Variants in CELA3B observed in about 807,000 individuals in gnomAD.
CELA3B encodes the protein chymotrypsin like elastase 3B.
CELA3B carries 34 observed loss-of-function variants against 37.2 expected under a neutral mutation model. The ratio of observed to expected loss-of-function variants is 0.91; its 90% confidence interval spans 0.70 to 1.22. The LOEUF is 1.22. Ranked by LOEUF, CELA3B falls within the 50% of genes most tolerant of loss-of-function variation. The pLI, the probability that CELA3B is intolerant of heterozygous loss-of-function variation, is 0.00. For missense variants in CELA3B, 340 were observed against 363.1 expected, an observed-to-expected ratio of 0.94 and a Z score of 0.52; for synonymous variants, 127 against 143.5, an observed-to-expected ratio of 0.89 and a Z score of 0.82.
intron 4 of CELA3B, among the ~76,000 whole-genome samples, chr1:21,995,074 A>C (rs542694566): frequency 6.7e-6 from 1 of 148,616 alleles, no homozygotes; most frequent in African/African-American, 2.5e-5. Context: ...GCATCTGAAA[A>C]TATTTGTATT....
rs773977121 is a variant in CELA3B at position 21,983,745 on chromosome 1, C to T, written c.414C>T (p.Ala138=). The change falls in exon 5 of 8, where the codon GCC becomes GCT. Residue 138 remains alanine (A), a synonymous_variant. Coordinates refer to ENST00000337107, the MANE Select transcript of CELA3B (RefSeq NM_007352.4). ...KLSRSAQLGD[A]VQLASLPPAG... The stretch of plus-strand genomic sequence containing the variant: ...CACGCAGCGCCCAGCTGGGAGACGC[C>T]GTCCAGCTCGCCTCACTCCCTCCGG... 44 of 1,614,014 alleles carry T rather than the reference C, an allele frequency of 2.7e-5. No homozygotes were observed. In the African/African-American group the frequency reaches 3.1e-4, roughly 11 times the overall value.
In CELA3B at chr1:21,978,493, C is replaced by T. The variant is rs1341990038; in HGVS notation, c.129+39C>T. On this transcript the variant is annotated intron_variant, in intron 2 of 7. Transcript: ENST00000337107. ...CAGCTGCCCTCATTCCCACCGTGGG[C>T]TCTGGACCCTAAGCTCTAATGGCGC... 2.5e-6 allele frequency: 4 copies of T among 1,607,498 alleles called. 1 individual carries two copies. In the Admixed American group the frequency reaches 5.0e-5, roughly 20 times the overall value.
intron 1 of CELA3B, among the ~76,000 whole-genome samples, chr1:21,977,646 A>G (rs1183167909): frequency 6.6e-6 from 1 of 152,218 alleles, no homozygotes; most frequent in Admixed American, 6.5e-5. Context: ...CAGTACTATC[A>G]TTTTCCCCAT....
chr1:21,997,290 G>A (rs1007219171), intron 4 of CELA3B, among the ~76,000 whole-genome samples: 2 of 148,612 alleles, frequency 1.3e-5, no homozygotes, highest in Non-Finnish European at 3.0e-5. Context: ...TAACCTGGGA[G>A]GCAGAGGTTG....
At chr1:21,991,617 T>C (rs1328129305), downstream of CELA3B, among the ~76,000 whole-genome samples, 2 of 151,008 alleles carry the variant, frequency 1.3e-5, no homozygotes, top group East Asian at 2.0e-4. Context: ...ATTACAGGTG[T>C]GAGCCACTGT....
intron 6 of CELA3B, among the ~76,000 whole-genome samples, chr1:21,985,349 C>G (rs1347218136): frequency 1.1e-4 from 17 of 151,122 alleles, no homozygotes; most frequent in Non-Finnish European, 2.1e-4. Flanking sequence ...GCCATCACAG[C>G]CCACTGTAGC....
chr1:21,993,477 A>AG (rs1644877367), downstream of CELA3B, among the ~76,000 whole-genome samples: 1 of 100,772 alleles, frequency 9.9e-6, no homozygotes, highest in South Asian at 2.9e-4. Flanking sequence ...AAAAAAAAAA[A>AG]AAGAAGAAGA....
At chr1:21,997,368 C>A (rs1013049710) in intron 4 of CELA3B, among the ~76,000 whole-genome samples, 4 of 103,662 alleles carry the variant, frequency 3.9e-5, no homozygotes, top group Non-Finnish European at 6.0e-5. Flanking sequence ...AAAAAAAGAG[C>A]AAGACAAGAG....
At chr1:21,982,931 T>C (rs1000637248) in intron 4 of CELA3B, among the ~76,000 whole-genome samples, 24 of 152,174 alleles carry the variant, frequency 1.6e-4, no homozygotes, top group African/African-American at 5.3e-4. Context: ...CGCAGCAGTC[T>C]GTTTTAACAA....
chr1:21,979,219 T>A (rs61776319), intron 2 of CELA3B, among the ~76,000 whole-genome samples: 1 of 149,968 alleles, frequency 6.7e-6, no homozygotes, highest in Non-Finnish European at 1.5e-5. Flanking sequence ...ATTACAGGCA[T>A]GCGCCACCAA....
chr1:21,994,426 A>C lies in CELA3B; in HGVS notation c.505-3725A>C, dbSNP rs369973119. 5.7e-4 allele frequency among the ~76,000 whole-genome samples: 86 copies of C among 150,498 alleles called. 1 individual carries two copies. Among genetic ancestry groups the C allele is most frequent in the South Asian group, 1.5e-3 (7 of 4,754 alleles). ...ACCATCTTGGGAGGGAGCTGTACTA[A>C]TCTCTGGGTTCCCACATCTTCCCTG... is the stretch of plus-strand genomic sequence containing the variant. On this transcript the variant is annotated intron_variant, in intron 4 of 4. Transcript: ENST00000400277.
intron 7 of CELA3B, among the ~76,000 whole-genome samples, chr1:21,988,590 TA>T (rs57938649): frequency 0.59 from 60,760 of 103,410 alleles, 12,576 homozygotes; most frequent in Middle Eastern, 0.69. Flanking sequence ...GACTCCATCT[TA>T]AAAAAAAAAA....
chr1:21,980,683 C>T (rs1243311559), intron 2 of CELA3B, 141 bp from the exon 3 acceptor site: 8 of 650,702 alleles, frequency 1.2e-5, no homozygotes, highest in Admixed American at 2.6e-5. Flanking sequence ...AGGTTGTATG[C>T]TGCATATTTC....
Position 21,984,294 on chromosome 1 carries a change from T to C in CELA3B, c.605T>C (p.Met202Thr), listed in dbSNP as rs767869212. The C allele has an allele frequency of 3.1e-6, 5 of 1,613,986 alleles. No homozygotes were observed. The highest frequency in any genetic ancestry group is 2.2e-5 in the East Asian group (1 of 44,884). Reference sequence around the variant, plus strand: ...TGGGGTTCCTCCGTGAAGAAGACCATGGTGTGTGCTGGAGGGGACATCCGC... The same window carrying C: ...TGGGGTTCCTCCGTGAAGAAGACCACGGTGTGTGCTGGAGGGGACATCCGC... Reference protein sequence around the residue: ...NWWGSSVKKTMVCAGGDIRSG... With the variant: ...NWWGSSVKKTTVCAGGDIRSG... The change falls in exon 6 of 8, where the codon ATG becomes ACG. Residue 202 changes from methionine to threonine, a missense_variant. Met to Thr is a moderately conservative substitution (Grantham distance 81). Coordinates refer to ENST00000337107, the MANE Select transcript of CELA3B (RefSeq NM_007352.4).
chr1:21,984,393 A>T, intron 6 of CELA3B, 62 bp downstream of exon 6: 1 of 1,571,200 alleles, frequency 6.4e-7, no homozygotes, highest in Non-Finnish European at 8.6e-7. Flanking sequence ...AATGGGGCCA[A>T]CTGCCTGGAA....
chr1:21,991,517 G>A (rs1644868854), downstream of CELA3B, among the ~76,000 whole-genome samples: 1 of 151,038 alleles, frequency 6.6e-6, no homozygotes, highest in Admixed American at 6.6e-5. Flanking sequence ...TGTATTTTTA[G>A]TAGAGATGAG....
intron 7 of CELA3B, among the ~76,000 whole-genome samples, chr1:21,988,863 C>A (rs1431191817): frequency 6.6e-6 from 1 of 151,842 alleles, no homozygotes; most frequent in Non-Finnish European, 1.5e-5. Context: ...GCACTCCAGC[C>A]TGGGCAACAG....
At chr1:21,979,150 G>A (rs1194418472) in intron 2 of CELA3B, among the ~76,000 whole-genome samples, 1 of 149,920 alleles carries the variant, frequency 6.7e-6, no homozygotes, top group African/African-American at 2.4e-5. Flanking sequence ...TTGGCTCACT[G>A]CAACCTCTGC....
At chr1:21,979,336 T>C (rs1644790522) in intron 2 of CELA3B, among the ~76,000 whole-genome samples, 1 of 152,030 alleles carries the variant, frequency 6.6e-6, no homozygotes, top group African/African-American at 2.4e-5. Flanking sequence ...CCTGTCAAAG[T>C]GCTGGGATTA....
Sources: allele counts gnomAD v4.1 joint callset (sites outside exome capture counted in the v4.1 genomes callset), GRCh38; gene constraint gnomAD v4.1.1; transcripts MANE v1.5; gene names NCBI Gene and HGNC (gene_info 2026-07-23, HGNC 2026-07-21).